The following ZBTB7C variants were observed in gnomAD, a reference collection of about 807,000 sequenced individuals.
The protein encoded by ZBTB7C is zinc finger and BTB domain containing 7C.
In ZBTB7C, 8 loss-of-function variants were observed where a neutral mutation model predicts 25.7. The ratio of observed to expected loss-of-function variants is 0.31; its 90% CI spans 0.18 to 0.56. ZBTB7C has a LOEUF of 0.56. ZBTB7C is among the 20% of genes least tolerant of loss of function. The pLI is 0.91. For synonymous variants in ZBTB7C, 394 were observed against 369.0 expected, an observed-to-expected ratio of 1.07 and a Z score of -0.78; for missense variants, 824 against 855.2, an observed-to-expected ratio of 0.96 and a Z score of 0.46.
At chr18:48,148,506 AC>A (rs2040567758) in intron 3 of ZBTB7C, 1 of 152,184 alleles carries the variant, frequency 6.6e-6, no homozygotes, top group African/African-American at 2.4e-5. Context: ...GACTTGATGG[AC>A]CCAGTCTACA....
intron 4 of ZBTB7C, among the ~76,000 whole-genome samples, chr18:48,039,401 C>T (rs2036115889): frequency 6.6e-6 from 1 of 152,212 alleles, no homozygotes; most frequent in African/African-American, 2.4e-5. Context: ...CAAAGTCAAC[C>T]ACGTCTCCCC....
intron 1 of ZBTB7C, among the ~76,000 whole-genome samples, chr18:48,345,192 G>A (rs1304581123): frequency 1.3e-5 from 2 of 152,142 alleles, no homozygotes; most frequent in Non-Finnish European, 2.9e-5. Flanking sequence ...AGTTATTAAG[G>A]GTAAAAATAG....
chr18:48,397,571 G>A (rs34732095), intron 1 of ZBTB7C, among the ~76,000 whole-genome samples: 11,591 of 152,174 alleles, frequency 0.076, 609 homozygotes, highest in South Asian at 0.11. Flanking sequence ...GAAAGTTGCT[G>A]TGAGAATGAG....
At chr18:48,104,062 G>A (rs1220381172) in intron 3 of ZBTB7C, among the ~76,000 whole-genome samples, 1 of 152,106 alleles carries the variant, frequency 6.6e-6, no homozygotes, top group Non-Finnish European at 1.5e-5. Context: ...ACTTTGAATG[G>A]CACACTTTTA....
At chr18:48,115,799 A>G (rs1201778201) in intron 3 of ZBTB7C, among the ~76,000 whole-genome samples, 1 of 152,122 alleles carries the variant, frequency 6.6e-6, no homozygotes, top group African/African-American at 2.4e-5. Flanking sequence ...CTGGGGAACC[A>G]CAACAGTTTT....
At chr18:48,051,253 G>A (rs1351796148) in intron 3 of ZBTB7C, among the ~76,000 whole-genome samples, 2 of 152,258 alleles carry the variant, frequency 1.3e-5, no homozygotes, top group South Asian at 2.1e-4. Context: ...ACCGAAGAGC[G>A]TAGCCCAAGG....
At chr18:48,096,004 G>T (rs1034172800) in intron 3 of ZBTB7C, among the ~76,000 whole-genome samples, 3 of 152,166 alleles carry the variant, frequency 2.0e-5, no homozygotes, top group Admixed American at 6.5e-5. Context: ...TCTCCTCAAA[G>T]CTGCCCTTTC....
In ZBTB7C at chr18:48,220,159, G is replaced by A. The variant is rs563627538; in HGVS notation, c.-78-34164C>T. On this transcript the variant is annotated intron_variant, in intron 2 of 4. Transcript: ENST00000590800. Reference sequence around the variant, plus strand: ...TTCACACACTCAGAAACTTGAAGGTGCCAGCCCCAGTTCCCTCTGAAGGCA... The same window carrying A: ...TTCACACACTCAGAAACTTGAAGGTACCAGCCCCAGTTCCCTCTGAAGGCA... Among the ~76,000 whole-genome samples the A allele has an allele frequency of 1.7e-3, 223 of 127,562 alleles. 2 individuals carry two copies. In the Middle Eastern group the frequency reaches 0.025, roughly 15 times the overall value. The allele number at this position is 127,562 out of a possible 152,430, so 83.7% of individuals were successfully genotyped here. A position where few individuals can be genotyped will look rare whatever the true frequency, so the allele number is the denominator to read the frequency against.
chr18:48,238,930 T>C (rs2043451660), intron 2 of ZBTB7C, among the ~76,000 whole-genome samples: 1 of 152,134 alleles, frequency 6.6e-6, no homozygotes, highest in South Asian at 2.1e-4. Flanking sequence ...GCTGCCTGGA[T>C]ACCAGTTTGG....
At chr18:48,262,005 C>T (rs1449439349) in intron 2 of ZBTB7C, among the ~76,000 whole-genome samples, 1 of 152,074 alleles carries the variant, frequency 6.6e-6, no homozygotes, top group Non-Finnish European at 1.5e-5. Context: ...AGGTCCTCTT[C>T]CCTATCCTCT....
At chr18:48,282,313 G>C (rs2044881412) in intron 2 of ZBTB7C, among the ~76,000 whole-genome samples, 1 of 115,018 alleles carries the variant, frequency 8.7e-6, no homozygotes, top group African/African-American at 3.4e-5. Context: ...GCCTGTTGTG[G>C]GGTGGGGGGA....
At chr18:48,295,302 G>T (rs996503394) in intron 2 of ZBTB7C, among the ~76,000 whole-genome samples, 1 of 152,164 alleles carries the variant, frequency 6.6e-6, no homozygotes, top group African/African-American at 2.4e-5. Context: ...CAGAACTGAG[G>T]CTCCAGATAT....
Position 48,231,974 on chromosome 18 carries a change from C to A in ZBTB7C, c.-78-45979G>T, listed in dbSNP as rs1051187707. 7.9e-5 allele frequency among the ~76,000 whole-genome samples: 12 copies of A among 152,334 alleles called. No homozygotes were observed. The East Asian group carries it at 1.9e-3, about 25-fold the overall frequency. ...ACCCTGCTGCAGCCAGCATGCTTAG[C>A]TGTGCACAGTGGCCAGACCCCATGC... On this transcript the variant is annotated intron_variant, in intron 2 of 4. Transcript: ENST00000590800.
At chr18:48,356,641 A>T (rs2046983406) in intron 1 of ZBTB7C, among the ~76,000 whole-genome samples, 1 of 152,200 alleles carries the variant, frequency 6.6e-6, no homozygotes, top group African/African-American at 2.4e-5. Context: ...CCAGATATAA[A>T]GAGCCAGATC....
rs1185895738 is a variant in ZBTB7C, at chr18:48,027,359, TC to T, written c.*1900del. The T allele has an allele frequency of 2.8e-5, 4 of 145,452 alleles. No homozygotes were observed. Among genetic ancestry groups the T allele is most frequent in the African/African-American group, 1.0e-4 (4 of 39,454 alleles). 9.0% of individuals were successfully genotyped at this position (145,452 alleles called of 1,614,324 possible). ...CACTGGATTCCAATTTATTCATGTT[TC>T]CTTTTTTTTTTTTTTTCCTCTCTTT... On this transcript the variant is annotated 3_prime_UTR_variant, in exon 5 of 5. Coordinates refer to ENST00000590800, the MANE Select transcript of ZBTB7C (RefSeq NM_001318841.2).
chr18:48,125,080 A>G (rs1211493436), intron 3 of ZBTB7C, among the ~76,000 whole-genome samples: 1 of 152,238 alleles, frequency 6.6e-6, no homozygotes, highest in Non-Finnish European at 1.5e-5. Context: ...GTCAAAAACT[A>G]CTTTCAAAAT....
intron 2 of ZBTB7C, among the ~76,000 whole-genome samples, chr18:48,233,826 G>T (rs62088925): frequency 0.05 from 7,590 of 152,236 alleles, 263 homozygotes; most frequent in Non-Finnish European, 0.075. Context: ...GAGGCTGCTT[G>T]TGGCAAAGCC....
At chr18:48,323,213 T>C (rs1020805738) in intron 2 of ZBTB7C, among the ~76,000 whole-genome samples, 1 of 152,010 alleles carries the variant, frequency 6.6e-6, no homozygotes, top group African/African-American at 2.4e-5. Flanking sequence ...AATATCAATT[T>C]AAAAAAAAGC....
intron 3 of ZBTB7C, among the ~76,000 whole-genome samples, chr18:48,123,065 G>A (rs1175424777): frequency 6.6e-6 from 1 of 152,108 alleles, no homozygotes; most frequent in African/African-American, 2.4e-5. Flanking sequence ...TCTCTCTCCT[G>A]GCAGCTGTGG....
Sources: allele counts gnomAD v4.1 joint callset (sites outside exome capture counted in the v4.1 genomes callset), GRCh38; gene constraint gnomAD v4.1.1; transcripts MANE v1.5; gene names NCBI Gene and HGNC (gene_info 2026-07-23, HGNC 2026-07-21).